The following MYO16 variants were observed in gnomAD, a reference collection of about 807,000 sequenced individuals.
MYO16 encodes unconventional myosin-XVI.
A neutral mutation model predicts 205.3 loss-of-function variants in MYO16; 94 were observed. The ratio of observed to expected loss-of-function variants is 0.46; its 90% CI spans 0.39 to 0.54. The LOEUF (loss-of-function observed/expected upper bound fraction) is 0.54. Ranked by LOEUF, MYO16 falls within the 20% of genes least tolerant of loss-of-function variation. The probability of loss-of-function intolerance (pLI) is 0.00; values close to 1 mark genes in which losing one functional copy is unlikely to be tolerated. For missense variants in MYO16, 2,315 were observed against 2,387.5 expected (o/e 0.97, Z 0.63); for synonymous variants, 988 against 954.0 (o/e 1.04, Z -0.66).
At chr13:108,631,035 G>A (rs772455910) in intron 1 of MYO16, among the ~76,000 whole-genome samples, 1 of 152,124 alleles carries the variant, frequency 6.6e-6, no homozygotes, top group Non-Finnish European at 1.5e-5. Context: ...AAGAATTAGA[G>A]GCATGCAGCG....
Position 109,125,430 on chromosome 13 carries a change from C to A in MYO16, c.3782+72C>A, listed in dbSNP as rs1876203418. 1 of 1,567,252 alleles carries A rather than the reference C, an allele frequency of 6.4e-7. No homozygotes were observed. On this transcript the variant is annotated intron_variant, in intron 30 of 34. Coordinates refer to ENST00000457511, the MANE Select transcript of MYO16 (RefSeq NM_001198950.3). This position sits in a 1 kb window ranked among gnomAD's most constrained non-coding sequence, Gnocchi z 4.0. ...AGTGGAGTCATGAAAATTCAAATAG[C>A]CCTTAATGCAGAGTTCAATCAAATA...
At chr13:108,753,943 A>G (rs1885333644) in intron 4 of MYO16, among the ~76,000 whole-genome samples, 1 of 152,246 alleles carries the variant, frequency 6.6e-6, no homozygotes, top group Admixed American at 6.5e-5. Context: ...ATATTACAAT[A>G]GATTTCATAT....
At chr13:109,018,396 A>C (rs1347918369) in intron 22 of MYO16, among the ~76,000 whole-genome samples, 2 of 152,202 alleles carry the variant, frequency 1.3e-5, no homozygotes, top group African/African-American at 4.8e-5. Flanking sequence ...ATGAGGTGTC[A>C]GTCGGCCCCT....
chr13:108,648,080 A>C (rs549068422), intron 1 of MYO16, among the ~76,000 whole-genome samples: 1 of 152,352 alleles, frequency 6.6e-6, no homozygotes, highest in Admixed American at 6.5e-5. Context: ...TTTCATCATA[A>C]GAGCATAATT....
At chr13:108,567,633 G>C in the MYO16 span, among the ~76,000 whole-genome samples, 1 of 152,104 alleles carries the variant, frequency 6.6e-6, no homozygotes, top group South Asian at 2.1e-4. Context: ...TTGAAACAAT[G>C]TCATGCAGCA....
At chr13:109,047,953 CA>C (rs200202758) in intron 24 of MYO16, among the ~76,000 whole-genome samples, 2 of 151,170 alleles carry the variant, frequency 1.3e-5, no homozygotes, top group East Asian at 1.9e-4. Context: ...CTAAAACTAA[CA>C]AAAAAAACAA....
At chr13:108,724,706 C>T (rs1884281394) in intron 3 of MYO16, among the ~76,000 whole-genome samples, 1 of 152,084 alleles carries the variant, frequency 6.6e-6, no homozygotes, top group African/African-American at 2.4e-5. Flanking sequence ...ACATAACCCT[C>T]CCTTGTTTCA....
chr13:108,496,099 C>T, the MYO16 span, among the ~76,000 whole-genome samples: 1 of 152,152 alleles, frequency 6.6e-6, no homozygotes, highest in Non-Finnish European at 1.5e-5. Flanking sequence ...CCAGAGTTCC[C>T]GCACGGTGAG....
chr13:109,134,924 C>T (rs543231103), intron 31 of MYO16, among the ~76,000 whole-genome samples: 1 of 152,294 alleles, frequency 6.6e-6, no homozygotes, highest in South Asian at 2.1e-4. Context: ...CTCTGTCATA[C>T]AAACTATACT....
At chr13:109,095,191 T>C (rs1888740667) in intron 27 of MYO16, among the ~76,000 whole-genome samples, 1 of 152,196 alleles carries the variant, frequency 6.6e-6, no homozygotes. Flanking sequence ...TACAGTCCAT[T>C]GGTTTGCCTC....
chr13:108,882,226 T>C (rs1236070139), intron 12 of MYO16, among the ~76,000 whole-genome samples: 1 of 152,240 alleles, frequency 6.6e-6, no homozygotes, highest in Non-Finnish European at 1.5e-5. Flanking sequence ...GGGAAAATTA[T>C]TACTGATGCA....
chr13:108,973,044 G>A (rs1317478505), intron 20 of MYO16, among the ~76,000 whole-genome samples: 2 of 151,960 alleles, frequency 1.3e-5, no homozygotes, highest in Non-Finnish European at 2.9e-5. Flanking sequence ...GGGAGCAGGT[G>A]GGAGAATGAA....
chr13:108,759,780 A>G (rs1435982004), intron 4 of MYO16, among the ~76,000 whole-genome samples: 2 of 151,084 alleles, frequency 1.3e-5, no homozygotes, highest in Non-Finnish European at 2.9e-5. Context: ...AGATCGCGCC[A>G]CTGCACTCCA....
upstream of MYO16, among the ~76,000 whole-genome samples, chr13:108,595,984 G>A (rs751960256): frequency 7.0e-6 from 1 of 143,882 alleles, no homozygotes; most frequent in African/African-American, 2.6e-5. Context: ...GCAGCCAACC[G>A]CTGTGGGCTG....
chr13:109,161,391 TGAATC>T (rs1878376374), intron 32 of MYO16, among the ~76,000 whole-genome samples: 1 of 152,232 alleles, frequency 6.6e-6, no homozygotes. Context: ...GGCCTCAGTC[TGAATC>T]TGGCTGCCTT....
chr13:108,832,144 A>T (rs1175366389), intron 9 of MYO16, among the ~76,000 whole-genome samples: 6 of 134,602 alleles, frequency 4.5e-5, no homozygotes, highest in African/African-American at 5.6e-5. Flanking sequence ...TTCCGTATGG[A>T]TTTTTTTTTT....
intron 28 of MYO16, among the ~76,000 whole-genome samples, chr13:109,112,943 A>G (rs923309195): frequency 1.3e-5 from 2 of 152,168 alleles, no homozygotes; most frequent in Admixed American, 1.3e-4. Context: ...TAAATATCTC[A>G]CAGTTAAGTT....
At chr13:108,753,802 C>T (rs1885329815) in intron 4 of MYO16, among the ~76,000 whole-genome samples, 1 of 152,140 alleles carries the variant, frequency 6.6e-6, no homozygotes, top group South Asian at 2.1e-4. Context: ...CATTAACTTG[C>T]ACAAAGTAGG....
intron 10 of MYO16, among the ~76,000 whole-genome samples, chr13:108,853,664 A>G (rs1878008829): frequency 6.8e-6 from 1 of 146,374 alleles, no homozygotes; most frequent in Admixed American, 6.9e-5. Flanking sequence ...TGGCACTATC[A>G]TGACTCACGG....
Sources: allele counts gnomAD v4.1 joint callset (sites outside exome capture counted in the v4.1 genomes callset), GRCh38; gene constraint gnomAD v4.1.1; non-coding constraint Gnocchi (gnomAD v3.1); transcripts MANE v1.5; gene names NCBI Gene and HGNC (gene_info 2026-07-23, HGNC 2026-07-21).